Variants in NAA20 observed in about 807,000 individuals in gnomAD.
NAA20 encodes the protein N-alpha-acetyltransferase 20, NatB catalytic subunit.
Under a neutral mutation model 23.8 loss-of-function variants are expected in NAA20, and 24 were observed. The ratio of observed to expected loss-of-function variants is 1.01; its 90% CI spans 0.73 to 1.42. NAA20 has a LOEUF of 1.42. NAA20 is among the 40% of genes most tolerant of loss of function. The pLI, the probability that NAA20 is intolerant of heterozygous loss-of-function variation, is 0.00. For missense variants in NAA20, 166 were observed against 223.1 expected, an observed-to-expected ratio of 0.74 and a Z score of 1.63; for synonymous variants, 83 against 77.7, an observed-to-expected ratio of 1.07 and a Z score of -0.36.
chr20:20,032,685 A>G, intron 5 of NAA20, 32 bp downstream of exon 5: 1 of 1,542,350 alleles, frequency 6.5e-7, no homozygotes, highest in Non-Finnish European at 8.7e-7. Flanking sequence ...TATCCCCAAG[A>G]AGTCGAAACA....
chr20:20,018,061 G>A lies in NAA20; in HGVS notation c.53+612G>A, dbSNP rs746644436. 3.7e-6 allele frequency: 6 copies of A among 1,614,180 alleles called. No homozygotes were observed. In the Admixed American group the frequency reaches 5.0e-5, roughly 13 times the overall value. Reference sequence around the variant, plus strand: ...GTCATGGTTAGTGTTTGCAAGTTTAGTTACTGTAGCTGCGCACCCCGGTGT... The same window carrying A: ...GTCATGGTTAGTGTTTGCAAGTTTAATTACTGTAGCTGCGCACCCCGGTGT... On this transcript the variant is annotated intron_variant, in intron 1 of 5. Coordinates refer to ENST00000334982, the MANE Select transcript of NAA20 (RefSeq NM_016100.5).
intron 4 of NAA20, among the ~76,000 whole-genome samples, 182 bp downstream of exon 4, chr20:20,027,101 G>A (rs1259620235): frequency 6.6e-6 from 1 of 152,168 alleles, no homozygotes; most frequent in African/African-American, 2.4e-5. Context: ...TGCCATTGAG[G>A]AAATTAAGGC....
chr20:20,018,885 C>T (rs1313131167), intron 1 of NAA20: 3 of 985,234 alleles, frequency 3.0e-6, no homozygotes, highest in African/African-American at 1.7e-5. Context: ...ATGAGTAAAG[C>T]GAGGAACTTC....
Position 20,021,045 on chromosome 20 carries a change from G to T in NAA20, c.54-1411G>T, listed in dbSNP as rs958099918. On this transcript the variant is annotated intron_variant, in intron 1 of 5. Coordinates refer to ENST00000334982, the MANE Select transcript of NAA20 (RefSeq NM_016100.5). ...GTGCGTGGGTTCGGTGGGCGGGGGG[G>T]GGGGGGGACTTTGGCAAAGACTTCT... Among the ~76,000 whole-genome samples, 29 of 139,502 alleles carry T rather than the reference G, an allele frequency of 2.1e-4. 2 individuals carry two copies. Among genetic ancestry groups the T allele is most frequent in the East Asian group, 4.7e-4 (2 of 4,218 alleles). 91.5% of individuals were successfully genotyped at this position (139,502 alleles called of 152,430 possible). A position where few individuals can be genotyped will look rare whatever the true frequency, so the allele number is the denominator to read the frequency against.
At chr20:20,017,563 C>T (rs1018679673) in intron 1 of NAA20, 114 bp downstream of exon 1, 11 of 1,390,056 alleles carry the variant, frequency 7.9e-6, no homozygotes, top group Non-Finnish European at 9.5e-6. Flanking sequence ...GGACGGGGAC[C>T]CGCGAGAACC....
intron 2 of NAA20, among the ~76,000 whole-genome samples, chr20:20,023,908 T>C (rs1403544902): frequency 6.6e-6 from 1 of 152,224 alleles, no homozygotes; most frequent in Admixed American, 6.5e-5. Flanking sequence ...AAATAGTAAT[T>C]CCATTTCCTG....
rs2043349772 is a variant in NAA20 at position 20,032,378 on chromosome 20, A to T, written c.306-130A>T. The T allele has an allele frequency of 5.6e-6, 4 of 715,072 alleles. No individual in the cohort carries two copies. In the East Asian group the frequency reaches 1.1e-4, roughly 20 times the overall value. The allele number at this position is 715,072 out of a possible 1,614,324, so 44.3% of individuals were successfully genotyped here. ...TTCTATTACCATGTAATCAGCTACA[A>T]GGTCCTATTACTACCATTCTGAGTA... On this transcript the variant is annotated intron_variant, in intron 4 of 5. Coordinates refer to ENST00000334982, the MANE Select transcript of NAA20 (RefSeq NM_016100.5).
intron 1 of NAA20, chr20:20,018,071 C>G (rs770647150): frequency 1.2e-6 from 2 of 1,614,130 alleles, no homozygotes; most frequent in Non-Finnish European, 1.7e-6. Context: ...GTTACTGTAG[C>G]TGCGCACCCC....
chr20:20,022,851 A>T (rs191527837), intron 2 of NAA20, among the ~76,000 whole-genome samples: 1 of 152,302 alleles, frequency 6.6e-6, no homozygotes, highest in African/African-American at 2.4e-5. Context: ...TGATGCTTCC[A>T]TGAAGACACC....
chr20:20,029,157 A>AAT (rs1307001702), intron 4 of NAA20, among the ~76,000 whole-genome samples: 1 of 152,194 alleles, frequency 6.6e-6, no homozygotes. Context: ...ATATGTGTAA[A>AAT]ATATATTAAA....
intron 2 of NAA20, 123 bp from the exon 3 acceptor site, chr20:20,025,554 G>T: frequency 2.9e-6 from 2 of 697,518 alleles, no homozygotes; most frequent in South Asian, 1.7e-5. Context: ...ATGATTATAG[G>T]ACTCATACAG....
At chr20:20,023,772 T>TA (rs1306194404) in intron 2 of NAA20, among the ~76,000 whole-genome samples, 2 of 152,238 alleles carry the variant, frequency 1.3e-5, no homozygotes, top group South Asian at 4.1e-4. Context: ...TGCCATATTT[T>TA]ATGTATCAGC....
chr20:20,017,378 C>A lies in NAA20; in HGVS notation c.-19C>A, dbSNP rs760217234. On this transcript the variant is annotated 5_prime_UTR_variant, in exon 1 of 6. Coordinates refer to ENST00000334982, the MANE Select transcript of NAA20 (RefSeq NM_016100.5). ...GCGCGGGGTCTTGGCGAACGGTCTT[C>A]GGAAGCGGCGGCGGCGCGATGACCA... 4.3e-6 allele frequency: 7 copies of A among 1,610,884 alleles called. No homozygotes were observed. The African/African-American group carries it at 8.0e-5, about 18-fold the overall frequency.
chr20:20,023,889 G>C (rs2043288859), intron 2 of NAA20, among the ~76,000 whole-genome samples: 1 of 152,216 alleles, frequency 6.6e-6, no homozygotes, highest in African/African-American at 2.4e-5. Context: ...TTTCCAGAAG[G>C]CACTTTGGAA....
At chr20:20,032,401 G>A (rs1347557660) in intron 4 of NAA20, 107 bp from the exon 5 acceptor site, 24 of 1,054,320 alleles carry the variant, frequency 2.3e-5, no homozygotes, top group Non-Finnish European at 3.1e-5. Flanking sequence ...ACCATTCTGA[G>A]TAGTAGTCAA....
chr20:20,018,796 C>A, intron 1 of NAA20: 1 of 634,458 alleles, frequency 1.6e-6, no homozygotes, highest in Non-Finnish European at 2.0e-6. Flanking sequence ...CCTCACGATT[C>A]TTTGAGGTGC....
At chr20:20,019,742 AC>A (rs1241999518) in intron 1 of NAA20, among the ~76,000 whole-genome samples, 1 of 152,034 alleles carries the variant, frequency 6.6e-6, no homozygotes, top group Non-Finnish European at 1.5e-5. Context: ...GTGCTGCCAC[AC>A]CCCACTAATT....
upstream of NAA20, chr20:20,017,301 G>C: frequency 6.5e-7 from 1 of 1,532,086 alleles, no homozygotes; most frequent in African/African-American, 1.4e-5. Context: ...GCAGTACCCC[G>C]TCTCGCTCGG....
Position 20,033,323 on chromosome 20 carries a change from C to T in NAA20, c.*136C>T. 1 of 650,912 alleles carries T rather than the reference C, an allele frequency of 1.5e-6. No individual in the cohort carries two copies. The highest frequency in any genetic ancestry group is 2.6e-6 in the Non-Finnish European group (1 of 384,332). 40.3% of individuals were successfully genotyped at this position (650,912 alleles called of 1,614,324 possible). On this transcript the variant is annotated 3_prime_UTR_variant, in exon 6 of 6. Coordinates refer to ENST00000334982, the MANE Select transcript of NAA20 (RefSeq NM_016100.5). ...AAGACTTCAAGAAAATACAGGTTAT[C>T]AATTTATTTTAAATCTCATTGTTTC...
Sources: allele counts gnomAD v4.1 joint callset (sites outside exome capture counted in the v4.1 genomes callset), GRCh38; gene constraint gnomAD v4.1.1; transcripts MANE v1.5; gene names NCBI Gene and HGNC (gene_info 2026-07-23, HGNC 2026-07-21).